Variants in FAM20C observed in about 807,000 individuals in gnomAD.
FAM20C encodes extracellular serine/threonine protein kinase FAM20C.
FAM20C carries 40 observed loss-of-function variants against 51.5 expected under a neutral mutation model. That is an observed-to-expected ratio of 0.78 (90% confidence interval 0.60 to 1.01). The LOEUF (loss-of-function observed/expected upper bound fraction) is 1.01. Ranked by LOEUF, FAM20C falls within the 50% of genes least tolerant of loss-of-function variation. The pLI is 0.00. For missense variants in FAM20C, 861 were observed against 844.7 expected, an observed-to-expected ratio of 1.02 and a Z score of -0.24; for synonymous variants, 406 against 380.6, an observed-to-expected ratio of 1.07 and a Z score of -0.78.
chr7:231,461 C>CGTGGAGGGCCCCGTGGGAGGAGGGTCCT (rs1787677292), intron 3 of FAM20C, among the ~76,000 whole-genome samples: 4 of 143,812 alleles, frequency 2.8e-5, no homozygotes, highest in Non-Finnish European at 4.6e-5. Context: ...AGGAGGGTCC[C>CGTGGAGGGCCCCGTGGGAGGAGGGTCCT]GGCGTGGAGG....
At chr7:237,084 T>C (rs1787871896) in intron 3 of FAM20C, among the ~76,000 whole-genome samples, 1 of 152,222 alleles carries the variant, frequency 6.6e-6, no homozygotes, top group Non-Finnish European at 1.5e-5. Context: ...ATGTCAAAGC[T>C]GTGAGGATCC....
At chr7:248,263 G>A (rs1788248880) in intron 4 of FAM20C, 52 bp from the exon 5 acceptor site, 5 of 1,338,122 alleles carry the variant, frequency 3.7e-6, no homozygotes, top group Non-Finnish European at 5.1e-6. Flanking sequence ...GGGACACAGA[G>A]GCCCGCTGAG....
At chr7:220,325 C>T (rs955974105) in intron 3 of FAM20C, among the ~76,000 whole-genome samples, 6 of 152,202 alleles carry the variant, frequency 3.9e-5, no homozygotes, top group Admixed American at 2.6e-4. Context: ...CCAGCAGAGT[C>T]GCTGGGCCCA....
At chr7:203,659 C>T (rs531816099) in intron 2 of FAM20C, among the ~76,000 whole-genome samples, 59 of 152,354 alleles carry the variant, frequency 3.9e-4, no homozygotes, top group Non-Finnish European at 7.1e-4. Context: ...AGTCCTCAGT[C>T]GCTGTGAGAT....
At chr7:212,013 A>G (rs1223010212) in intron 3 of FAM20C, among the ~76,000 whole-genome samples, 4 of 152,198 alleles carry the variant, frequency 2.6e-5, no homozygotes, top group African/African-American at 4.8e-5. Flanking sequence ...TCATTGATGG[A>G]GGTCCTGCAG....
intron 3 of FAM20C, among the ~76,000 whole-genome samples, chr7:216,610 TGTGTGTGTATGAGTGTGTGTGA>T (rs1234608786): frequency 4.3e-4 from 62 of 143,354 alleles, no homozygotes; most frequent in African/African-American, 1.5e-3. Flanking sequence ...AGTTTCTGTG[TGTGTGTGTATGAGTGTGTGTGA>T]GTGTGTGTGA....
chr7:211,452 C>T (rs548593318), intron 3 of FAM20C, among the ~76,000 whole-genome samples: 2 of 151,866 alleles, frequency 1.3e-5, no homozygotes, highest in Admixed American at 6.6e-5. Flanking sequence ...CCCAGCCCCC[C>T]ACCGTGATGG....
intron 3 of FAM20C, among the ~76,000 whole-genome samples, chr7:209,275 C>T (rs540644352): frequency 6.6e-6 from 1 of 152,312 alleles, no homozygotes; most frequent in East Asian, 1.9e-4. Flanking sequence ...AATGTGAACA[C>T]CAAAGAATGC....
Position 243,027 on chromosome 7 carries a change from ACCAGGAGACCTGTGCCAC to A in FAM20C, c.864-3367_864-3350del, listed in dbSNP as rs1562390425. 9.4e-4 allele frequency among the ~76,000 whole-genome samples: 117 copies of A among 124,684 alleles called. 1 individual carries two copies. Among genetic ancestry groups the A allele is most frequent in the East Asian group, 3.1e-3 (13 of 4,190 alleles). 81.8% of individuals were successfully genotyped at this position (124,684 alleles called of 152,430 possible). A position where few individuals can be genotyped will look rare whatever the true frequency, so the allele number is the denominator to read the frequency against. On this transcript the variant is annotated intron_variant, in intron 3 of 9. Transcript: ENST00000313766. ...CTGTGCCACCAGGAGACCTGTGCTAACCAGGAGACCTGTGCCACCCAGGAGACCTGTGCCACCCGGGAG... is the reference window on the plus strand; with the variant it reads ...CTGTGCCACCAGGAGACCTGTGCTAACCAGGAGACCTGTGCCACCCGGGAG...
chr7:194,772 G>A (rs1454718787), intron 1 of FAM20C, among the ~76,000 whole-genome samples: 47 of 117,504 alleles, frequency 4.0e-4, no homozygotes, highest in African/African-American at 1.7e-3. Context: ...GTGTATCCTA[G>A]CCCCCCACCC....
chr7:227,266 C>T lies in FAM20C; in HGVS notation c.863+18290C>T, dbSNP rs1218216279. ...CGAAAGGGAGGGAAGATTAAAAGGACGGGAAAGAAAATATGGCCTTCATTT... is the reference window on the plus strand; with the variant it reads ...CGAAAGGGAGGGAAGATTAAAAGGATGGGAAAGAAAATATGGCCTTCATTT... On this transcript the variant is annotated intron_variant, in intron 3 of 9. Coordinates refer to ENST00000313766, the MANE Select transcript of FAM20C (RefSeq NM_020223.4). Among the ~76,000 whole-genome samples, 2 of 151,760 alleles carry T rather than the reference C, an allele frequency of 1.3e-5. 1 individual carries two copies. The highest frequency in any genetic ancestry group is 4.8e-5 in the African/African-American group (2 of 41,286).
chr7:257,135 C>A (rs1166117517), intron 8 of FAM20C, 49 bp downstream of exon 8: 1 of 1,509,326 alleles, frequency 6.6e-7, no homozygotes, highest in Non-Finnish European at 8.9e-7. Context: ...CGGCCACCTC[C>A]CAGCTACCTG....
At chr7:232,095 C>T (rs376439173) in intron 3 of FAM20C, among the ~76,000 whole-genome samples, 46 of 152,350 alleles carry the variant, frequency 3.0e-4, no homozygotes, top group Middle Eastern at 6.8e-3. Flanking sequence ...TCAGACTGGA[C>T]GCCCCTTTCC....
At position 193,535 on chromosome 7, in the gene FAM20C, C is replaced by A; in HGVS notation, c.336C>A (p.Pro112=). The A allele has an allele frequency of 1.3e-6, 2 of 1,495,630 alleles. No homozygotes were observed. Among genetic ancestry groups the A allele is most frequent in the Non-Finnish European group, 1.8e-6 (2 of 1,119,256 alleles). The allele number at this position is 1,495,630 out of a possible 1,614,324, so 92.6% of individuals were successfully genotyped here. A position where few individuals can be genotyped will look rare whatever the true frequency, so the allele number is the denominator to read the frequency against. ...CCCACTCGCTGGAGAAACTGCCGCC[C>A]GCGGCCGAGCCGGCCGAGCGCGCCT... The part of the protein sequence containing the change: ...LSSHSLEKLP[P]AAEPAERALR... The change falls in exon 1 of 10, where the codon CCC becomes CCA. Residue 112 remains proline, a synonymous_variant. Transcript: ENST00000313766.
chr7:255,710 G>C, intron 5 of FAM20C, 139 bp from the exon 6 acceptor site: 1 of 833,488 alleles, frequency 1.2e-6, no homozygotes, highest in Non-Finnish European at 1.8e-6. Flanking sequence ...GTGTTTGCTG[G>C]GATTGATGGG....
intron 6 of FAM20C, 177 bp downstream of exon 6, chr7:256,206 C>T (rs1788584441): frequency 1.2e-6 from 1 of 814,528 alleles, no homozygotes; most frequent in Non-Finnish European, 1.9e-6. Flanking sequence ...CAGAGGGCGT[C>T]CTTACTCCAG....
chr7:211,893 G>A (rs28568495), intron 3 of FAM20C, among the ~76,000 whole-genome samples: 45,681 of 152,090 alleles, frequency 0.3, 7,077 homozygotes, highest in South Asian at 0.45. Context: ...GGGCGTGTGC[G>A]AACCTTTTGC....
intron 5 of FAM20C, among the ~76,000 whole-genome samples, chr7:251,869 C>G (rs1788415214): frequency 6.6e-6 from 1 of 152,206 alleles, no homozygotes; most frequent in Non-Finnish European, 1.5e-5. Flanking sequence ...TTCCATGTCC[C>G]TGCCTGGACA....
intron 5 of FAM20C, among the ~76,000 whole-genome samples, chr7:251,018 G>T (rs151168084): frequency 6.6e-6 from 1 of 152,338 alleles, no homozygotes; most frequent in African/African-American, 2.4e-5. Context: ...AGGGGTCAAT[G>T]ATGCCCACTG....
Sources: gnomAD v4.1 joint callset for allele counts (sites outside exome capture counted in the v4.1 genomes callset) on GRCh38, gnomAD v4.1.1 for gene constraint, MANE v1.5 for transcripts, NCBI Gene and HGNC (gene_info 2026-07-23, HGNC 2026-07-21) for gene names.